DCHS2: variants seen among roughly 807,000 people sequenced by gnomAD.
DCHS2 encodes dachsous cadherin-related 2.
In DCHS2, 142 loss-of-function variants were observed where a neutral mutation model predicts 182.4. The observed-to-expected ratio is 0.78, with a 90% CI of 0.68 to 0.89. The LOEUF (loss-of-function observed/expected upper bound fraction) is 0.89. Among genes scored for constraint, DCHS2 ranks in the 40% least tolerant of loss-of-function variants. The probability of loss-of-function intolerance (pLI) is 0.00; values close to 1 mark genes in which losing one functional copy is unlikely to be tolerated. For synonymous variants in DCHS2, 1,740 were observed against 1,663.3 expected, an observed-to-expected ratio of 1.05 and a Z score of -1.12; for missense variants, 4,319 against 4,198.6, an observed-to-expected ratio of 1.03 and a Z score of -0.79.
At chr4:154,388,684 T>A (rs945653133) in intron 1 of DCHS2, among the ~76,000 whole-genome samples, 1 of 151,856 alleles carries the variant, frequency 6.6e-6, no homozygotes, top group African/African-American at 2.4e-5. Flanking sequence ...TTAGTAGAGA[T>A]GGGGTTTCAC....
intron 1 of DCHS2, among the ~76,000 whole-genome samples, chr4:154,415,724 G>C (rs1732804994): frequency 6.6e-6 from 1 of 152,144 alleles, no homozygotes; most frequent in African/African-American, 2.4e-5. Context: ...ACCGAGGTCG[G>C]TGAGGAAAAT....
rs564027355 is a variant in DCHS2 at position 154,420,270 on chromosome 4, T to C, written c.2053-42826A>G. 1.1e-3 allele frequency among the ~76,000 whole-genome samples: 163 copies of C among 151,224 alleles called. 1 individual carries two copies. Among genetic ancestry groups the C allele is most frequent in the South Asian group, 6.7e-3 (32 of 4,766 alleles). Reference sequence around the variant, plus strand: ...ACAGATAGATAGATAGATAGATAGATAGATAGATAGATAGATAGATAGATA... The same window carrying C: ...ACAGATAGATAGATAGATAGATAGACAGATAGATAGATAGATAGATAGATA... On this transcript the variant is annotated intron_variant, in intron 1 of 19. Coordinates refer to ENST00000357232, the MANE Select transcript of DCHS2 (RefSeq NM_001358235.2).
chr4:154,350,242 C>A (rs1469078507), intron 3 of DCHS2, among the ~76,000 whole-genome samples: 1 of 152,082 alleles, frequency 6.6e-6, no homozygotes, highest in Non-Finnish European at 1.5e-5. Flanking sequence ...GACATATTAC[C>A]CTGAATTTCT....
intron 1 of DCHS2, among the ~76,000 whole-genome samples, chr4:154,420,801 C>A (rs1207931147): frequency 1.3e-5 from 2 of 152,124 alleles, no homozygotes; most frequent in Admixed American, 6.5e-5. Flanking sequence ...CCTGGGTATC[C>A]CTTAACCCAG....
At chr4:154,343,241 T>C (rs1009024079) in intron 3 of DCHS2, among the ~76,000 whole-genome samples, 1 of 152,192 alleles carries the variant, frequency 6.6e-6, no homozygotes, top group Non-Finnish European at 1.5e-5. Context: ...TCAGAGTAGA[T>C]ACAGTATATT....
chr4:154,439,213 G>A (rs1244713204), intron 1 of DCHS2, among the ~76,000 whole-genome samples: 2 of 152,118 alleles, frequency 1.3e-5, no homozygotes, highest in Admixed American at 6.6e-5. Context: ...CATATACATA[G>A]ATTTATATAC....
chr4:154,389,537 A>ATATATATATATATATATATATAC (rs1561084874), intron 1 of DCHS2, among the ~76,000 whole-genome samples: 1 of 56,750 alleles, frequency 1.8e-5, no homozygotes, highest in Non-Finnish European at 4.8e-5. Context: ...TATATATATA[A>ATATATATATATATATATATATAC]CCTTTTTTTA....
chr4:154,420,815 A>G lies in DCHS2; in HGVS notation c.2053-43371T>C, dbSNP rs1436767696. Among the ~76,000 whole-genome samples the G allele has an allele frequency of 2.6e-5, 4 of 152,166 alleles. No homozygotes were observed. The East Asian group carries it at 7.7e-4, about 29-fold the overall frequency. ...ACCTGGGTATCCCTTAACCCAGTCA[A>G]GCTGACACCTAAAATTAACCATCAC... On this transcript the variant is annotated intron_variant, in intron 1 of 19. Coordinates refer to ENST00000357232, the MANE Select transcript of DCHS2 (RefSeq NM_001358235.2).
At chr4:154,268,251 G>A (rs1408482329) in intron 14 of DCHS2, among the ~76,000 whole-genome samples, 4 of 143,450 alleles carry the variant, frequency 2.8e-5, no homozygotes, top group Admixed American at 1.4e-4. Context: ...AAAAAATAAC[G>A]CTTTACCACT....
chr4:154,468,838 A>T (rs911757847), intron 1 of DCHS2, among the ~76,000 whole-genome samples: 1 of 152,122 alleles, frequency 6.6e-6, no homozygotes, highest in African/African-American at 2.4e-5. Flanking sequence ...TGTACCAGGC[A>T]TTGGTTTCCT....
At position 154,337,763 on chromosome 4, in the gene DCHS2, T is replaced by A. The variant is rs557099356; in HGVS notation, c.2477-2659A>T. On this transcript the variant is annotated intron_variant, in intron 3 of 19. Coordinates refer to ENST00000357232, the MANE Select transcript of DCHS2 (RefSeq NM_001358235.2). The stretch of plus-strand genomic sequence containing the variant: ...ATTATTATTATTATTATTATTGAGA[T>A]GAAGTTTCACTCTGTTGCCCAGGTT... 4.1e-4 allele frequency among the ~76,000 whole-genome samples: 62 copies of A among 150,860 alleles called. No individual in the cohort carries two copies. The East Asian group carries it at 0.011, about 26-fold the overall frequency.
At position 154,480,949 on chromosome 4, in the gene DCHS2, G is replaced by T. The variant is rs1041520750; in HGVS notation, c.2052+8355C>A. Among the ~76,000 whole-genome samples, 3 of 152,080 alleles carry T rather than the reference G, an allele frequency of 2.0e-5. No homozygotes were observed. In the South Asian group the frequency reaches 6.2e-4, roughly 31 times the overall value. Reference sequence around the variant, plus strand: ...CCTAATATTCTAATTATAATAATATGTTAACAATTATTTTAATAATGTTTC... The same window carrying T: ...CCTAATATTCTAATTATAATAATATTTTAACAATTATTTTAATAATGTTTC... On this transcript the variant is annotated intron_variant, in intron 1 of 19. Coordinates refer to ENST00000357232, the MANE Select transcript of DCHS2 (RefSeq NM_001358235.2).
rs890789050 is a variant in DCHS2, at chr4:154,489,613, G to A, written c.1743C>T (p.Val581=). The change falls in exon 1 of 20, where the codon GTC becomes GTT. Residue 581 remains valine (V), a synonymous_variant. Coordinates refer to ENST00000357232, the MANE Select transcript of DCHS2 (RefSeq NM_001358235.2). ...CGAGATTGCAGGGAGCCGAGAGTTGGACTACAGTGTAGCGCAGCCAGGCGT... is the reference window on the plus strand; with the variant it reads ...CGAGATTGCAGGGAGCCGAGAGTTGAACTACAGTGTAGCGCAGCCAGGCGT... ...SDHAWLRYTV[V]QLSAPCNLGS... The A allele has an allele frequency of 6.4e-7, 1 of 1,550,956 alleles. No individual in the cohort carries two copies. Among genetic ancestry groups the A allele is most frequent in the Non-Finnish European group, 8.7e-7 (1 of 1,146,382 alleles).
intron 1 of DCHS2, among the ~76,000 whole-genome samples, chr4:154,487,544 T>A (rs1560787234): frequency 6.6e-6 from 1 of 152,222 alleles, no homozygotes; most frequent in East Asian, 1.9e-4. Flanking sequence ...AACTCAGAGC[T>A]GGCAATCACT....
chr4:154,294,588 T>C (rs1282329037), intron 13 of DCHS2, among the ~76,000 whole-genome samples: 1 of 152,246 alleles, frequency 6.6e-6, no homozygotes, highest in Non-Finnish European at 1.5e-5. Flanking sequence ...AGGTCTTATC[T>C]ACAGATAGGC....
intron 18 of DCHS2, 23 bp downstream of exon 18, chr4:154,240,514 C>T (rs6535989): frequency 0.88 from 1,403,057 of 1,602,678 alleles, 632,206 homozygotes; most frequent in Non-Finnish European, 0.93. Context: ...GCTTTGGTTT[C>T]GGCATCTCTT....
chr4:154,368,920 C>T (rs1730517178), intron 2 of DCHS2, among the ~76,000 whole-genome samples: 1 of 151,118 alleles, frequency 6.6e-6, no homozygotes, highest in Admixed American at 6.6e-5. Flanking sequence ...TTCCTCTCAC[C>T]TGATTTAAGT....
intron 3 of DCHS2, among the ~76,000 whole-genome samples, chr4:154,355,903 A>G (rs188899039): frequency 6.6e-6 from 1 of 152,282 alleles, no homozygotes; most frequent in Admixed American, 6.5e-5. Context: ...TAAGCATATG[A>G]TACTTGATAA....
intron 1 of DCHS2, among the ~76,000 whole-genome samples, chr4:154,457,789 G>A (rs1258303225): frequency 6.6e-6 from 1 of 152,112 alleles, no homozygotes; most frequent in African/African-American, 2.4e-5. Context: ...TCTTTCTACT[G>A]CCAGTTTCTG....
Sources: gnomAD v4.1 joint callset for allele counts (sites outside exome capture counted in the v4.1 genomes callset) on GRCh38, gnomAD v4.1.1 for gene constraint, MANE v1.5 for transcripts, NCBI Gene and HGNC (gene_info 2026-07-23, HGNC 2026-07-21) for gene names.